Variants in ZNF469 observed in about 807,000 individuals in gnomAD.
The protein encoded by ZNF469 is zinc finger protein 469.
A neutral mutation model predicts 1.0 loss-of-function variants in ZNF469; 1 was observed. The observed-to-expected ratio is 1.00, with a 90% CI of 0.35 to 4.73. The LOEUF (loss-of-function observed/expected upper bound fraction) is 4.73, where lower values mean the gene tolerates loss of function less well. ZNF469 is among the 30% of genes most tolerant of loss of function. ZNF469 has a pLI of 0.16. For missense variants in ZNF469, 6,100 were observed against 5,356.3 expected (o/e 1.14, Z -4.33); for synonymous variants, 2,703 against 2,363.4 (o/e 1.14, Z -4.17).
At chr16:88,357,283 C>T in the ZNF469 span, among the ~76,000 whole-genome samples, 1 of 152,266 alleles carries the variant, frequency 6.6e-6, no homozygotes, top group Non-Finnish European at 1.5e-5. Flanking sequence ...GGATGACAAC[C>T]TCTCTGCAGA....
At position 88,438,147 on chromosome 16, in the gene ZNF469, A is replaced by T. The variant is rs1855394119; in HGVS notation, c.10677A>T (p.Pro3559=). ...CCCCGCCGTCTCTGTCTCCCTTCCC[A>T]GCTGCCTTGGCTGATGGCAGAGGAG... ...ECPPPSLSPF[P]AALADGRGDC... is the part of the protein sequence containing the mutation. Residue 3559 remains proline (P), a synonymous_variant, in exon 3 of 3, where the codon CCA becomes CCT. Coordinates refer to ENST00000565624, the MANE Select transcript of ZNF469 (RefSeq NM_001367624.2). 6.5e-7 allele frequency: 1 copy of T among 1,550,108 alleles called. No homozygotes were observed. Among genetic ancestry groups the T allele is most frequent in the Admixed American group, 2.0e-5 (1 of 50,972 alleles).
chr16:88,329,590 C>G, the ZNF469 span, among the ~76,000 whole-genome samples: 1 of 152,188 alleles, frequency 6.6e-6, no homozygotes, highest in Non-Finnish European at 1.5e-5. Context: ...CCTCTGCCAG[C>G]CACTTCTGCC....
At chr16:88,190,950 G>C in the ZNF469 span, among the ~76,000 whole-genome samples, 15 of 152,240 alleles carry the variant, frequency 9.9e-5, no homozygotes, top group South Asian at 2.5e-3. Flanking sequence ...CTGACCTCCA[G>C]AACTGGGAGA....
the ZNF469 span, among the ~76,000 whole-genome samples, chr16:88,125,530 G>A: frequency 3.3e-5 from 5 of 152,218 alleles, no homozygotes; most frequent in African/African-American, 9.6e-5. Flanking sequence ...GGGAAGGGTT[G>A]CCATCTTAAC....
At chr16:88,208,521 T>G in the ZNF469 span, among the ~76,000 whole-genome samples, 635 of 14,118 alleles carry the variant, frequency 0.045, no homozygotes, top group South Asian at 0.061. Context: ...GGTGGGAGGG[T>G]GGGAGAGAGA....
the ZNF469 span, among the ~76,000 whole-genome samples, chr16:88,132,272 A>C: frequency 6.6e-6 from 1 of 152,146 alleles, no homozygotes; most frequent in African/African-American, 2.4e-5. Context: ...GATCCCAGTC[A>C]CTCGGTGCTC....
chr16:88,320,058 C>T, the ZNF469 span, among the ~76,000 whole-genome samples: 2 of 152,218 alleles, frequency 1.3e-5, no homozygotes, highest in Non-Finnish European at 2.9e-5. Context: ...TAATTCAAAG[C>T]ATGGCCAGGC....
intron 1 of ZNF469, among the ~76,000 whole-genome samples, chr16:88,419,471 G>A (rs907644936): frequency 3.9e-5 from 6 of 152,092 alleles, no homozygotes; most frequent in East Asian, 1.9e-4. Context: ...TCCCCCATTC[G>A]GCCTGGAAGC....
intron 1 of ZNF469, among the ~76,000 whole-genome samples, chr16:88,405,778 G>A (rs1262947794): frequency 1.3e-5 from 2 of 152,186 alleles, no homozygotes; most frequent in African/African-American, 2.4e-5. Flanking sequence ...GTCATAGCCC[G>A]CCCTGCCAAG....
At chr16:88,346,800 G>A in the ZNF469 span, among the ~76,000 whole-genome samples, 1 of 152,250 alleles carries the variant, frequency 6.6e-6, no homozygotes, top group East Asian at 1.9e-4. Context: ...AAGCTGCTCA[G>A]GCAGCGAGCT....
At chr16:88,330,591 G>A in the ZNF469 span, among the ~76,000 whole-genome samples, 3 of 152,240 alleles carry the variant, frequency 2.0e-5, no homozygotes, top group South Asian at 6.2e-4. Flanking sequence ...TGGACAGAGG[G>A]ACTAAGAAAG....
In ZNF469 at chr16:88,414,945, C is replaced by T. The variant is rs1435816061; in HGVS notation, c.-191-9862C>T. Among the ~76,000 whole-genome samples the T allele has an allele frequency of 3.3e-5, 5 of 152,352 alleles. No homozygotes were observed. The East Asian group carries it at 9.7e-4, about 29-fold the overall frequency. On this transcript the variant is annotated intron_variant, in intron 1 of 2. Transcript: ENST00000565624. Reference sequence around the variant, plus strand: ...TGCCCAGAGACCAGCTGAGGCCACACAGCGAGTGGGAACAGCAGGGTCAGC... The same window carrying T: ...TGCCCAGAGACCAGCTGAGGCCACATAGCGAGTGGGAACAGCAGGGTCAGC...
At chr16:88,165,819 G>A in the ZNF469 span, among the ~76,000 whole-genome samples, 2 of 151,880 alleles carry the variant, frequency 1.3e-5, no homozygotes, top group African/African-American at 4.8e-5. Flanking sequence ...CCTCCTTTCC[G>A]TCTCTGAGTC....
At chr16:88,131,643 G>C in the ZNF469 span, among the ~76,000 whole-genome samples, 2 of 152,236 alleles carry the variant, frequency 1.3e-5, no homozygotes, top group Non-Finnish European at 2.9e-5. Flanking sequence ...TGTGAGGCGA[G>C]GCAGGCTGGG....
At chr16:88,118,474 C>T in the ZNF469 span, among the ~76,000 whole-genome samples, 4 of 152,144 alleles carry the variant, frequency 2.6e-5, no homozygotes, top group South Asian at 2.1e-4. Flanking sequence ...CCCAGAGAAC[C>T]GTGGGAGCAA....
At chr16:88,327,516 C>T in the ZNF469 span, among the ~76,000 whole-genome samples, 1 of 152,146 alleles carries the variant, frequency 6.6e-6, no homozygotes, top group South Asian at 2.1e-4. Flanking sequence ...CAGCTAGGGG[C>T]CAGGCCTGTG....
the ZNF469 span, among the ~76,000 whole-genome samples, chr16:88,219,478 A>C: frequency 0.021 from 2,970 of 143,964 alleles, 102 homozygotes; most frequent in African/African-American, 0.074. Flanking sequence ...ATCTACAACT[A>C]TCTGATCTTT....
At chr16:88,147,681 G>A in the ZNF469 span, among the ~76,000 whole-genome samples, 12 of 152,098 alleles carry the variant, frequency 7.9e-5, no homozygotes, top group African/African-American at 2.7e-4. Flanking sequence ...GGGAGTCCCT[G>A]GGCAGCTGCT....
the ZNF469 span, among the ~76,000 whole-genome samples, chr16:88,110,721 C>A: frequency 6.6e-6 from 1 of 152,082 alleles, no homozygotes; most frequent in Non-Finnish European, 1.5e-5. Context: ...CCTTTTCCAT[C>A]GAAGGTGGGG....
Sources: gnomAD v4.1 joint callset for allele counts (sites outside exome capture counted in the v4.1 genomes callset) on GRCh38, gnomAD v4.1.1 for gene constraint, MANE v1.5 for transcripts, NCBI Gene and HGNC (gene_info 2026-07-23, HGNC 2026-07-21) for gene names.